HELLS: variants seen among roughly 807,000 people sequenced by gnomAD.
HELLS encodes helicase, lymphoid specific.
HELLS carries 32 observed loss-of-function variants against 120.0 expected under a neutral mutation model. The observed-to-expected ratio is 0.27, with a 90% CI of 0.20 to 0.36. The LOEUF (loss-of-function observed/expected upper bound fraction) is 0.36, where lower values mean the gene tolerates loss of function less well. HELLS is among the 10% of genes least tolerant of loss of function. HELLS has a pLI of 1.00. For synonymous variants in HELLS, 341 were observed against 323.4 expected (o/e 1.05, Z -0.58); for missense variants, 650 against 993.4 (o/e 0.65, Z 4.65).
chr10:94,590,292 A>G, intron 13 of HELLS, 121 bp from the exon 14 acceptor site: 1 of 841,258 alleles, frequency 1.2e-6, no homozygotes, highest in Non-Finnish European at 1.8e-6. Context: ...AATTTCCCAC[A>G]ACATTTGTAT....
In HELLS at chr10:94,545,788, G is replaced by T; in HGVS notation, c.-134G>T. ...TCGCGAGATGACAGGATTTTCCCGC[G>T]AAGGAGAAGCGCGCTTTTTTCCCTG... On this transcript the variant is annotated 5_prime_UTR_variant, in exon 1 of 22. Coordinates refer to ENST00000348459, the MANE Select transcript of HELLS (RefSeq NM_018063.5). The T allele has an allele frequency of 1.0e-6, 1 of 999,252 alleles. No homozygotes were observed. The highest frequency in any genetic ancestry group is 1.6e-6 in the Non-Finnish European group (1 of 643,444). 61.9% of individuals were successfully genotyped at this position (999,252 alleles called of 1,614,324 possible).
intron 6 of HELLS, among the ~76,000 whole-genome samples, chr10:94,568,767 T>C (rs1392854276): frequency 6.6e-6 from 1 of 152,214 alleles, no homozygotes; most frequent in Non-Finnish European, 1.5e-5. Context: ...ATATGTATGT[T>C]CTTTTTCTTT....
intron 12 of HELLS, among the ~76,000 whole-genome samples, chr10:94,587,005 A>G (rs1042237909): frequency 1.3e-5 from 2 of 151,958 alleles, no homozygotes; most frequent in Non-Finnish European, 2.9e-5. Flanking sequence ...TAGAGTATAC[A>G]ATGATTTTAA....
chr10:94,546,076 G>T, intron 1 of HELLS, 124 bp downstream of exon 1: 1 of 1,179,644 alleles, frequency 8.5e-7, no homozygotes, highest in South Asian at 1.4e-5. Flanking sequence ...GAGGAAAGGA[G>T]GGTTGGGAAA....
downstream of HELLS, among the ~76,000 whole-genome samples, chr10:94,606,659 A>G (rs745571727): frequency 2.2e-4 from 34 of 152,188 alleles, no homozygotes; most frequent in Admixed American, 9.8e-4. Flanking sequence ...ACTTCTGCCT[A>G]GAACTCGTAA....
At chr10:94,592,540 C>T in intron 17 of HELLS, 26 bp downstream of exon 17, 1 of 1,322,862 alleles carries the variant, frequency 7.6e-7, no homozygotes, top group African/African-American at 1.5e-5. Flanking sequence ...TCATACATAC[C>T]AAACTATTCT....
intron 6 of HELLS, 106 bp downstream of exon 6, chr10:94,562,982 A>G: frequency 2.9e-6 from 2 of 693,248 alleles, no homozygotes; most frequent in Non-Finnish European, 4.8e-6. Flanking sequence ...CACATGAAAT[A>G]TGTTTTGAAT....
downstream of HELLS, among the ~76,000 whole-genome samples, chr10:94,603,360 T>C (rs1444760479): frequency 6.6e-6 from 1 of 152,236 alleles, no homozygotes; most frequent in Non-Finnish European, 1.5e-5. Context: ...TTTCATACAG[T>C]TGTTGACTCT....
At chr10:94,594,171 T>G (rs1167208422) in intron 18 of HELLS, among the ~76,000 whole-genome samples, 2 of 152,078 alleles carry the variant, frequency 1.3e-5, no homozygotes, top group Non-Finnish European at 2.9e-5. Context: ...TAAAGTTTTT[T>G]GCAAGTAAAA....
intron 3 of HELLS, among the ~76,000 whole-genome samples, chr10:94,557,550 TGA>T (rs767820962): frequency 1.3e-5 from 2 of 152,214 alleles, no homozygotes; most frequent in African/African-American, 2.4e-5. Flanking sequence ...CTACTTTGGC[TGA>T]GAGAATGTGA....
chr10:94,579,140 G>T (rs1489866563), intron 10 of HELLS, among the ~76,000 whole-genome samples: 1 of 151,866 alleles, frequency 6.6e-6, no homozygotes, highest in Non-Finnish European at 1.5e-5. Flanking sequence ...TTTTTTTAAA[G>T]GGTAGTGTAC....
chr10:94,597,638 T>C (rs988082050), intron 21 of HELLS, among the ~76,000 whole-genome samples: 1 of 152,166 alleles, frequency 6.6e-6, no homozygotes. Flanking sequence ...GTTCAAGGGA[T>C]TCTCCTGCCT....
Position 94,576,677 on chromosome 10 carries a change from T to C in HELLS, c.904T>C (p.Tyr302His). 3 of 1,600,528 alleles carry C rather than the reference T, an allele frequency of 1.9e-6. No individual in the cohort carries two copies. Among genetic ancestry groups the C allele is most frequent in the Non-Finnish European group, 2.6e-6 (3 of 1,169,486 alleles). Reference sequence around the variant, plus strand: ...AATTTTTCAGATCCCTACAATGTTATATCATGGAACCCAGGAGGAACGTCA... The same window carrying C: ...AATTTTTCAGATCCCTACAATGTTACATCATGGAACCCAGGAGGAACGTCA... ...RFTPDIPTML[Y>H]HGTQEERQKL... The change falls in exon 10 of 22, where the codon TAT (tyrosine) becomes CAT (histidine). Residue 302 changes from tyrosine (Y) to histidine (H), a missense_variant. Coordinates refer to ENST00000348459, the MANE Select transcript of HELLS (RefSeq NM_018063.5).
intron 10 of HELLS, among the ~76,000 whole-genome samples, chr10:94,578,714 C>G (rs1844649040): frequency 6.6e-6 from 1 of 152,078 alleles, no homozygotes; most frequent in Non-Finnish European, 1.5e-5. Context: ...TTTTACAACT[C>G]AACATAACGT....
chr10:94,611,477 C>T (rs1846193601), exon 10 of HELLS: 1 of 151,986 alleles, frequency 6.6e-6, no homozygotes, highest in Admixed American at 6.6e-5. Flanking sequence ...TAGTATACTA[C>T]CAAAGAAAGT....
chr10:94,589,105 G>GC (rs1845326428), intron 13 of HELLS, among the ~76,000 whole-genome samples: 2 of 152,212 alleles, frequency 1.3e-5, no homozygotes, highest in South Asian at 4.1e-4. Context: ...CCAAGATTGT[G>GC]CCTTTGCACT....
At chr10:94,600,104 A>G (rs1845953650) in intron 21 of HELLS, among the ~76,000 whole-genome samples, 1 of 152,110 alleles carries the variant, frequency 6.6e-6, no homozygotes, top group Non-Finnish European at 1.5e-5. Context: ...CAGCCTGGGC[A>G]ACACGGTGAA....
chr10:94,602,433 G>A (rs1846071221), downstream of HELLS, among the ~76,000 whole-genome samples: 1 of 152,142 alleles, frequency 6.6e-6, no homozygotes, highest in Non-Finnish European at 1.5e-5. Context: ...TAATAGAACA[G>A]CATAAAGGCC....
At chr10:94,595,254 A>G (rs1230828458) in intron 19 of HELLS, among the ~76,000 whole-genome samples, 1 of 152,086 alleles carries the variant, frequency 6.6e-6, no homozygotes, top group Admixed American at 6.6e-5. Context: ...ACAGCCTGAT[A>G]TGACAGGATT....
Sources: gnomAD v4.1 joint callset for allele counts (sites outside exome capture counted in the v4.1 genomes callset) on GRCh38, gnomAD v4.1.1 for gene constraint, MANE v1.5 for transcripts, NCBI Gene and HGNC (gene_info 2026-07-23, HGNC 2026-07-21) for gene names.